Variants in ARID4A observed in about 807,000 individuals in gnomAD.
ARID4A encodes AT-rich interaction domain 4A.
Under a neutral mutation model 148.6 loss-of-function variants are expected in ARID4A, and 39 were observed. That is an observed-to-expected ratio of 0.26 (90% CI 0.20 to 0.34). ARID4A has a LOEUF of 0.34. Ranked by LOEUF, ARID4A falls within the 10% of genes least tolerant of loss-of-function variation. The pLI, the probability that ARID4A is intolerant of heterozygous loss-of-function variation, is 1.00. For missense variants in ARID4A, 1,265 were observed against 1,449.1 expected, an observed-to-expected ratio of 0.87 and a Z score of 2.06; for synonymous variants, 475 against 481.2, an observed-to-expected ratio of 0.99 and a Z score of 0.17.
intron 23 of ARID4A, among the ~76,000 whole-genome samples, chr14:58,368,587 TA>T (rs1003258696): frequency 3.7e-4 from 55 of 149,166 alleles, no homozygotes; most frequent in African/African-American, 1.0e-3. Flanking sequence ...TGTACCATAT[TA>T]AAAAAAAAAT....
chr14:58,322,679 T>G (rs899572875), intron 7 of ARID4A, among the ~76,000 whole-genome samples: 3 of 151,874 alleles, frequency 2.0e-5, no homozygotes, highest in Non-Finnish European at 4.4e-5. Flanking sequence ...AATGTAGGCT[T>G]GGCTGGGCAC....
rs970614257 is a variant in ARID4A at position 58,367,173 on chromosome 14, G to A, written c.3670+144G>A. The A allele has an allele frequency of 2.3e-5, 14 of 620,974 alleles. 1 individual carries two copies. The highest frequency in any genetic ancestry group is 1.1e-4 in the East Asian group (3 of 27,168). 38.5% of individuals were successfully genotyped at this position (620,974 alleles called of 1,614,324 possible). On this transcript the variant is annotated intron_variant, in intron 23 of 23. Coordinates refer to ENST00000355431, the MANE Select transcript of ARID4A (RefSeq NM_002892.4). ...TCCTAGTGTTTTCTATTGTTGAAAT[G>A]AGTAGGTCAGCAACTGAGTTAATCA...
intron 3 of ARID4A, among the ~76,000 whole-genome samples, chr14:58,302,532 C>G (rs1354060103): frequency 1.3e-5 from 2 of 151,988 alleles, no homozygotes; most frequent in African/African-American, 4.8e-5. Flanking sequence ...GTGGTGCACA[C>G]CTGTAGTCCC....
chr14:58,360,619 G>A (rs2140261799), intron 18 of ARID4A, among the ~76,000 whole-genome samples: 1 of 152,166 alleles, frequency 6.6e-6, no homozygotes, highest in Non-Finnish European at 1.5e-5. Flanking sequence ...TATAATTGCA[G>A]TATTACAAAT....
intron 15 of ARID4A, 130 bp from the exon 16 acceptor site, chr14:58,350,943 T>G: frequency 1.3e-6 from 1 of 764,038 alleles, no homozygotes; most frequent in Non-Finnish European, 2.0e-6. Flanking sequence ...AAAGGTACCT[T>G]TGAGTTGGTT....
At chr14:58,319,003 C>G (rs568402494) in intron 7 of ARID4A, among the ~76,000 whole-genome samples, 198 bp downstream of exon 7, 6 of 152,274 alleles carry the variant, frequency 3.9e-5, no homozygotes, top group Middle Eastern at 3.4e-3. Flanking sequence ...ACTCTTACTT[C>G]TAATAGATTA....
At chr14:58,334,691 T>C (rs2033710884) in intron 11 of ARID4A, among the ~76,000 whole-genome samples, 1 of 152,182 alleles carries the variant, frequency 6.6e-6, no homozygotes, top group Non-Finnish European at 1.5e-5. Flanking sequence ...GCACAATTGA[T>C]AGTGTTTTGT....
intron 23 of ARID4A, among the ~76,000 whole-genome samples, chr14:58,369,045 A>T (rs1239713571): frequency 1.3e-5 from 2 of 152,066 alleles, no homozygotes; most frequent in South Asian, 2.1e-4. Flanking sequence ...GCAGGAATTT[A>T]AAAAAAATAA....
intron 8 of ARID4A, 110 bp from the exon 9 acceptor site, chr14:58,328,127 A>C (rs1472943316): frequency 5.0e-5 from 37 of 746,962 alleles, no homozygotes; most frequent in Non-Finnish European, 8.2e-5. Flanking sequence ...TGTTTTTTGT[A>C]AAATATAATC....
In ARID4A at chr14:58,305,057, C is replaced by T. The variant is rs1038035993; in HGVS notation, c.183+48C>T. ...AATCTGAAATAATCATAGATTTATA[C>T]CATATTTACTGAATTTACATTTCTA... On this transcript the variant is annotated intron_variant, in intron 4 of 23. Transcript: ENST00000355431. 3.5e-6 allele frequency: 5 copies of T among 1,431,092 alleles called. No individual in the cohort carries two copies. In the African/African-American group the frequency reaches 7.3e-5, roughly 21 times the overall value. 88.6% of individuals were successfully genotyped at this position (1,431,092 alleles called of 1,614,324 possible).
chr14:58,339,630 T>C (rs1231298334), intron 11 of ARID4A, among the ~76,000 whole-genome samples: 1 of 152,106 alleles, frequency 6.6e-6, no homozygotes, highest in Non-Finnish European at 1.5e-5. Context: ...CCTACAAAAA[T>C]AAGATATCTT....
chr14:58,363,080 C>G lies in ARID4A; in HGVS notation c.2081-1090C>G, dbSNP rs377179485. Among the ~76,000 whole-genome samples the G allele has an allele frequency of 2.6e-5, 4 of 152,260 alleles. 1 individual carries two copies. On this transcript the variant is annotated intron_variant, in intron 19 of 23. Coordinates refer to ENST00000355431, the MANE Select transcript of ARID4A (RefSeq NM_002892.4). ...GGCATACCTGTGTGCAGTGTCCAGT[C>G]TATACAACTACATACCAGCCTTATT...
intron 1 of ARID4A, 29 bp from the exon 2 acceptor site, chr14:58,299,769 T>G: frequency 1.3e-6 from 2 of 1,588,226 alleles, no homozygotes; most frequent in Non-Finnish European, 1.7e-6. Context: ...ACTGATTATG[T>G]CTGTGCCTGT....
rs578017086 is a variant in ARID4A at position 58,312,566 on chromosome 14, G to A, written c.275-5976G>A. On this transcript the variant is annotated intron_variant, in intron 5 of 23. Coordinates refer to ENST00000355431, the MANE Select transcript of ARID4A (RefSeq NM_002892.4). ...ACTACTGGCCTTACCTAGGGCATCCGTATGTTTTAAATTTTAAAATGTTTG... is the reference window on the plus strand; with the variant it reads ...ACTACTGGCCTTACCTAGGGCATCCATATGTTTTAAATTTTAAAATGTTTG... Among the ~76,000 whole-genome samples, 17 of 152,144 alleles carry A rather than the reference G, an allele frequency of 1.1e-4. 1 individual carries two copies. Among genetic ancestry groups the A allele is most frequent in the South Asian group, 6.2e-4 (3 of 4,816 alleles).
In ARID4A at chr14:58,353,648, C is replaced by T; in HGVS notation, c.1656-10C>T. ...ATTAGTAGCATTATCAGTATTATAA[C>T]TTACTGCAGGGAAGAAACTGAAAGC... On this transcript the variant is annotated splice_polypyrimidine_tract_variant and intron_variant, in intron 16 of 23. Coordinates refer to ENST00000355431, the MANE Select transcript of ARID4A (RefSeq NM_002892.4). The T allele has an allele frequency of 6.2e-7, 1 of 1,611,142 alleles. No individual in the cohort carries two copies.
intron 1 of ARID4A, 166 bp from the exon 2 acceptor site, chr14:58,299,632 C>T (rs1472923275): frequency 3.3e-6 from 2 of 611,880 alleles, no homozygotes; most frequent in Non-Finnish European, 5.7e-6. Flanking sequence ...GTGGGGTTCT[C>T]GCTGCCCCCT....
intron 5 of ARID4A, among the ~76,000 whole-genome samples, chr14:58,313,806 A>G (rs1221215568): frequency 6.6e-6 from 1 of 152,224 alleles, no homozygotes; most frequent in African/African-American, 2.4e-5. Flanking sequence ...CTGATGTCCA[A>G]GGGCAGAAGG....
intron 16 of ARID4A, chr14:58,351,532 G>GTGCCC: frequency 1.8e-6 from 1 of 563,590 alleles, no homozygotes; most frequent in Non-Finnish European, 2.9e-6. Context: ...AATAGCACTT[G>GTGCCC]TGCCCTAAAC....
chr14:58,300,948 T>C (rs1436919821), intron 2 of ARID4A, among the ~76,000 whole-genome samples: 1 of 152,238 alleles, frequency 6.6e-6, no homozygotes, highest in Non-Finnish European at 1.5e-5. Flanking sequence ...AGTAGATGTT[T>C]CTTAGTAACG....
Sources: allele counts gnomAD v4.1 joint callset (sites outside exome capture counted in the v4.1 genomes callset), GRCh38; gene constraint gnomAD v4.1.1; transcripts MANE v1.5; gene names NCBI Gene and HGNC (gene_info 2026-07-23, HGNC 2026-07-21).